WDR90: variants seen among roughly 807,000 people sequenced by gnomAD.
The protein encoded by WDR90 is WD repeat-containing protein 90.
Under a neutral mutation model 195.2 loss-of-function variants are expected in WDR90, and 238 were observed. The ratio of observed to expected loss-of-function variants is 1.22; its 90% CI spans 1.10 to 1.36. The LOEUF is 1.36. Ranked by LOEUF, WDR90 falls within the 40% of genes most tolerant of loss-of-function variation. The pLI is 0.00. For missense variants in WDR90, 2,734 were observed against 2,439.5 expected (o/e 1.12, Z -2.54); for synonymous variants, 1,265 against 1,052.4 (o/e 1.20, Z -3.91).
At position 658,633 on chromosome 16, in the gene WDR90, C is replaced by G. The variant is rs2037815789; in HGVS notation, c.2875C>G (p.Gln959Glu). Reference protein sequence around the residue: ...RTIKVWDYATQASPGPQVYIG... With the variant: ...RTIKVWDYATEASPGPQVYIG... ...CATCAAGGTGTGGGACTACGCCACA[C>G]AGGCCAGCCCAGGCCCCCAGGTGTG... The change falls in exon 23 of 41, where the codon CAG becomes GAG. Residue 959 changes from glutamine to glutamate, a missense_variant. Coordinates refer to ENST00000293879, the MANE Select transcript of WDR90 (RefSeq NM_145294.5). 6 of 1,611,018 alleles carry G rather than the reference C, an allele frequency of 3.7e-6. No homozygotes were observed. The highest frequency in any genetic ancestry group is 5.1e-6 in the Non-Finnish European group (6 of 1,178,712).
chr16:650,805 C>T (rs144131075), intron 5 of WDR90, 96 bp downstream of exon 5: 16 of 1,522,484 alleles, frequency 1.1e-5, no homozygotes, highest in Middle Eastern at 1.7e-4. Context: ...ATACAGTGCT[C>T]GAGCTGTGCT....
At chr16:653,859 C>G in intron 13 of WDR90, 56 bp downstream of exon 13, 1 of 1,595,212 alleles carries the variant, frequency 6.3e-7, no homozygotes, top group Non-Finnish European at 8.6e-7. Context: ...ACGCAGACAG[C>G]TGGAAGGGTC....
Position 651,019 on chromosome 16 carries a change from A to G in WDR90, c.584A>G (p.Lys195Arg). ...EPAISGAQWAKLPVTPMPREM... is the reference protein window; with the variant it reads ...EPAISGAQWARLPVTPMPREM... ...GCCATCTCTGGGGCCCAGTGGGCAAAGCTGCCCGTGACTCCTATGCCTCGG... is the reference window on the plus strand; with the variant it reads ...GCCATCTCTGGGGCCCAGTGGGCAAGGCTGCCCGTGACTCCTATGCCTCGG... Residue 195 changes from lysine (K) to arginine (R), a missense_variant, in exon 6 of 41, where the codon AAG becomes AGG. Transcript: ENST00000293879. 6.2e-7 allele frequency: 1 copy of G among 1,613,284 alleles called. No individual in the cohort carries two copies. The highest frequency in any genetic ancestry group is 8.5e-7 in the Non-Finnish European group (1 of 1,179,954).
At position 651,701 on chromosome 16, in the gene WDR90, T is replaced by C. The variant is rs758710582; in HGVS notation, c.794T>C (p.Val265Ala). ...TGCCCGGTGGCCTCCAGCAAACCTG[T>C]GCGGTTCAGTGTGTCTCCAGTGGTC... ...LPCPVASSKP[V>A]RFSVSPVVQT... is the part of the protein sequence containing the mutation. The change falls in exon 8 of 41, where the codon GTG becomes GCG. Residue 265 changes from valine to alanine, a missense_variant. Transcript: ENST00000293879. The C allele has an allele frequency of 1.9e-6, 3 of 1,613,068 alleles. No individual in the cohort carries two copies. In the South Asian group the frequency reaches 3.3e-5, roughly 18 times the overall value.
intron 17 of WDR90, 152 bp downstream of exon 17, chr16:656,041 G>A (rs1235162827): frequency 9.9e-7 from 1 of 1,007,788 alleles, no homozygotes; most frequent in African/African-American, 1.6e-5. Flanking sequence ...CAGAGCCCTG[G>A]GGCGGCTGAT....
At chr16:654,964 G>T in intron 13 of WDR90, 65 bp from the exon 14 acceptor site, 1 of 1,528,344 alleles carries the variant, frequency 6.5e-7, no homozygotes, top group Non-Finnish European at 9.0e-7. Flanking sequence ...GCTCGGCTGG[G>T]CCTTGCAGAA....
chr16:652,033 C>T lies in WDR90; in HGVS notation c.1047C>T (p.Ser349=), dbSNP rs376128773. 2 of 1,592,962 alleles carry T rather than the reference C, an allele frequency of 1.3e-6. No homozygotes were observed. The highest frequency in any genetic ancestry group is 8.5e-7 in the Non-Finnish European group (1 of 1,172,260). Residue 349 remains serine (S), a synonymous_variant, in exon 9 of 41, where the codon TCC becomes TCT. Transcript: ENST00000293879. ...SAEVPVARTG[S]CEGFLPDPVL... is the part of the protein sequence containing the mutation. ...AGGTGCCCGTGGCCCGCACCGGCTC[C>T]TGCGAAGTGAGTGCCCATCCCACAG...
intron 21 of WDR90, 71 bp from the exon 22 acceptor site, chr16:658,112 C>T (rs952570194): frequency 6.5e-5 from 100 of 1,548,794 alleles, no homozygotes; most frequent in Middle Eastern, 5.2e-4. Context: ...ACCTCCCTCC[C>T]GAGCCTGACC....
In WDR90 at chr16:651,628, C is replaced by T. The variant is rs1358714648; in HGVS notation, c.737-16C>T. 2 of 1,610,936 alleles carry T rather than the reference C, an allele frequency of 1.2e-6. No individual in the cohort carries two copies. Among genetic ancestry groups the T allele is most frequent in the African/African-American group, 2.7e-5 (2 of 75,030 alleles). On this transcript the variant is annotated splice_polypyrimidine_tract_variant and intron_variant, in intron 7 of 40. Coordinates refer to ENST00000293879, the MANE Select transcript of WDR90 (RefSeq NM_145294.5). ...AGCTGGCCCCTGGGTCACTGGGGTT[C>T]TTTGCTCTGTTCTAGTCCTCCTGGG...
At chr16:652,107 C>T (rs1405906250) in intron 9 of WDR90, 68 bp downstream of exon 9, 47 of 1,489,896 alleles carry the variant, frequency 3.2e-5, no homozygotes, top group Middle Eastern at 1.8e-4. Flanking sequence ...TAGCCCGCCC[C>T]GAGATGCATT....
At position 661,394 on chromosome 16, in the gene WDR90, G is replaced by A. The variant is rs1256051764; in HGVS notation, c.3566G>A (p.Arg1189His). 16 of 1,611,576 alleles carry A rather than the reference G, an allele frequency of 9.9e-6. No individual in the cohort carries two copies. Among genetic ancestry groups the A allele is most frequent in the Middle Eastern group, 1.7e-4 (1 of 6,060 alleles). Residue 1189 changes from arginine to histidine, a missense_variant, in exon 30 of 41, where the codon CGC (arginine) becomes CAC (histidine). Physicochemically the swap from Arg to His is conservative, Grantham distance 29. Coordinates refer to ENST00000293879, the MANE Select transcript of WDR90 (RefSeq NM_145294.5). Reference protein sequence around the residue: ...RSSTTAHCQIRVWDVSGGLCQ... With the variant: ...RSSTTAHCQIHVWDVSGGLCQ... ...AGCACGACCGCCCATTGTCAGATCCGCGTCTGGGACGTGTCTGGCGGCCTC... is the reference window on the plus strand; with the variant it reads ...AGCACGACCGCCCATTGTCAGATCCACGTCTGGGACGTGTCTGGCGGCCTC...
rs1323203547 is a variant in WDR90 at position 661,950 on chromosome 16, CG to C, written c.3928del (p.Ala1310HisfsTer65). On this transcript the variant is annotated frameshift_variant, in exon 32 of 41. Transcript: ENST00000293879. LOFTEE classifies it high-confidence loss of function. ...GAGELTSLCY[G>X]APPLLYCGTS... ...CTGGAGAGCTGACCTCGCTCTGCTACGGGGCACCTCCCCTGCTCTATTGTGG... is the reference window on the plus strand; with the variant it reads ...CTGGAGAGCTGACCTCGCTCTGCTACGGGCACCTCCCCTGCTCTATTGTGG... 2 of 1,607,910 alleles carry C rather than the reference CG, an allele frequency of 1.2e-6. No homozygotes were observed. The highest frequency in any genetic ancestry group is 1.7e-6 in the Non-Finnish European group (2 of 1,179,920).
At chr16:662,169 AG>A in intron 32 of WDR90, 50 bp from the exon 33 acceptor site, 1 of 1,520,964 alleles carries the variant, frequency 6.6e-7, no homozygotes. Flanking sequence ...CTTGTGACCC[AG>A]GGCCTCTGGG....
intron 1 of WDR90, 42 bp downstream of exon 1, chr16:649,468 G>A (rs2037593203): frequency 7.8e-7 from 1 of 1,285,914 alleles, no homozygotes; most frequent in Non-Finnish European, 9.8e-7. Context: ...CCCGGGTTCC[G>A]GGGTTCCGGG....
rs1944950999 is a variant in WDR90 at position 658,236 on chromosome 16, A to G, written c.2658A>G (p.Ser886=). ...ACCTGGCCAGCAGCCGCCTGGACTCAGCCATGGCTGTGTGCTTTGGCCCTG... is the reference window on the plus strand; with the variant it reads ...ACCTGGCCAGCAGCCGCCTGGACTCGGCCATGGCTGTGTGCTTTGGCCCTG... ...TLDLASSRLD[S]AMAVCFGPAA... The change falls in exon 22 of 41, where the codon TCA becomes TCG. Residue 886 remains serine, a synonymous_variant. Coordinates refer to ENST00000293879, the MANE Select transcript of WDR90 (RefSeq NM_145294.5). 2 of 1,612,572 alleles carry G rather than the reference A, an allele frequency of 1.2e-6. No homozygotes were observed. The highest frequency in any genetic ancestry group is 2.7e-5 in the African/African-American group (2 of 75,054).
rs1464580698 is a variant in WDR90 at position 658,277 on chromosome 16, T to C, written c.2699T>C (p.Leu900Pro). The C allele has an allele frequency of 6.2e-7, 1 of 1,612,670 alleles. No homozygotes were observed. The highest frequency in any genetic ancestry group is 1.7e-5 in the Admixed American group (1 of 60,020). The part of the protein sequence containing the change: ...VCFGPAALGH[L>P]LVSTSSNRVV... The stretch of plus-strand genomic sequence containing the variant: ...TTTGGCCCTGCAGCTCTGGGCCACC[T>C]GCTGGTGTCCACCTCGTCCAACAGA... Residue 900 changes from leucine to proline, a missense_variant, in exon 22 of 41, where the codon CTG becomes CCG. Coordinates refer to ENST00000293879, the MANE Select transcript of WDR90 (RefSeq NM_145294.5).
chr16:664,261 C>T (rs1407381658), intron 34 of WDR90, among the ~76,000 whole-genome samples: 48 of 152,166 alleles, frequency 3.2e-4, no homozygotes, highest in Admixed American at 2.9e-3. Context: ...CCCTGGCGAC[C>T]GTTGAGTGGC....
At chr16:658,124 T>G in intron 21 of WDR90, 59 bp from the exon 22 acceptor site, 1 of 1,564,724 alleles carries the variant, frequency 6.4e-7, no homozygotes, top group Non-Finnish European at 8.7e-7. Context: ...AGCCTGACCC[T>G]GGGTGGCACC....
In WDR90 at chr16:667,603, CTG is replaced by C. The variant is rs772269780; in HGVS notation, c.*17_*18del. ...CCCGGCCTCTGAGATGCAGCAGGGACTGTGGTGGTGGGCATCACGCCTGGTCA... is the reference window on the plus strand; with the variant it reads ...CCCGGCCTCTGAGATGCAGCAGGGACTGGTGGTGGGCATCACGCCTGGTCA... On this transcript the variant is annotated 3_prime_UTR_variant, in exon 41 of 41. Transcript: ENST00000293879. The C allele has an allele frequency of 1.9e-6, 3 of 1,604,530 alleles. No individual in the cohort carries two copies. In the South Asian group the frequency reaches 3.3e-5, roughly 18 times the overall value.
Sources: allele counts gnomAD v4.1 joint callset (sites outside exome capture counted in the v4.1 genomes callset), GRCh38; gene constraint gnomAD v4.1.1; transcripts MANE v1.5; gene names NCBI Gene and HGNC (gene_info 2026-07-23, HGNC 2026-07-21).